Variants in FRYL observed in about 807,000 individuals in gnomAD.
FRYL encodes FRY like transcription coactivator.
A neutral mutation model predicts 351.2 loss-of-function variants in FRYL; 150 were observed. The observed-to-expected ratio is 0.43, with a 90% CI of 0.37 to 0.49. The LOEUF (loss-of-function observed/expected upper bound fraction) is 0.49. Among genes scored for constraint, FRYL ranks in the 20% least tolerant of loss-of-function variants. The pLI is 0.00. For missense variants in FRYL, 3,036 were observed against 3,619.3 expected (o/e 0.84, Z 4.13); for synonymous variants, 1,153 against 1,257.1 (o/e 0.92, Z 1.75).
intron 3 of FRYL, among the ~76,000 whole-genome samples, chr4:48,662,629 T>A (rs1232089541): frequency 2.0e-5 from 3 of 151,496 alleles, no homozygotes; most frequent in African/African-American, 7.3e-5. Flanking sequence ...AGAAAGAATC[T>A]TAAAAGCAAG....
chr4:48,620,537 T>G (rs1160046547), intron 6 of FRYL, 102 bp downstream of exon 6: 1 of 1,190,974 alleles, frequency 8.4e-7, no homozygotes, highest in Non-Finnish European at 1.2e-6. Context: ...ATCAACGCAG[T>G]TTGCTTAGGA....
intron 19 of FRYL, among the ~76,000 whole-genome samples, chr4:48,586,192 C>G (rs566383711): frequency 2.0e-5 from 3 of 152,204 alleles, no homozygotes; most frequent in Non-Finnish European, 4.4e-5. Context: ...TGCCACAGTT[C>G]TGCCATAGGG....
At chr4:48,769,726 C>T (rs1332567917) in intron 1 of FRYL, among the ~76,000 whole-genome samples, 1 of 152,194 alleles carries the variant, frequency 6.6e-6, no homozygotes, top group East Asian at 1.9e-4. Flanking sequence ...TACGTTCATA[C>T]AATAAATACT....
intron 23 of FRYL, among the ~76,000 whole-genome samples, chr4:48,576,824 C>G (rs1163807880): frequency 6.6e-6 from 1 of 152,108 alleles, no homozygotes; most frequent in Non-Finnish European, 1.5e-5. Context: ...TCAAAATCAC[C>G]TTTAATCCCA....
At chr4:48,772,045 A>C (rs1775569086) in intron 1 of FRYL, among the ~76,000 whole-genome samples, 1 of 152,224 alleles carries the variant, frequency 6.6e-6, no homozygotes, top group Non-Finnish European at 1.5e-5. Flanking sequence ...TTCCTTTTGC[A>C]AATAAATTGT....
At chr4:48,669,906 A>AT (rs1324367036) in intron 3 of FRYL, among the ~76,000 whole-genome samples, 1 of 151,622 alleles carries the variant, frequency 6.6e-6, no homozygotes, top group South Asian at 2.1e-4. Flanking sequence ...TTTTAAAATA[A>AT]TTTTTTTACT....
Position 48,535,614 on chromosome 4 carries a change from C to T in FRYL, c.6564+43G>A, listed in dbSNP as rs1451062273. ...ACACACACACACACACACACACACA[C>T]ATATATATATAGTAAATAAGAAAAT... On this transcript the variant is annotated intron_variant, in intron 48 of 63. Coordinates refer to ENST00000358350, the MANE Select transcript of FRYL (RefSeq NM_015030.2). 1.3e-4 allele frequency: 127 copies of T among 980,966 alleles called. No individual in the cohort carries two copies. The highest frequency in any genetic ancestry group is 4.9e-4 in the African/African-American group (30 of 61,734). 60.8% of individuals were successfully genotyped at this position (980,966 alleles called of 1,614,324 possible). A position where few individuals can be genotyped will look rare whatever the true frequency, so the allele number is the denominator to read the frequency against.
intron 59 of FRYL, among the ~76,000 whole-genome samples, chr4:48,509,079 C>G (rs1485969496): frequency 1.3e-5 from 2 of 152,048 alleles, no homozygotes; most frequent in Admixed American, 1.3e-4. Context: ...TCTGAAGATA[C>G]AAAAACCATA....
intron 1 of FRYL, among the ~76,000 whole-genome samples, chr4:48,712,140 A>C (rs1768132773): frequency 6.6e-6 from 1 of 152,216 alleles, no homozygotes; most frequent in Non-Finnish European, 1.5e-5. Context: ...GAAAAACTGG[A>C]AACTCTAAAA....
intron 1 of FRYL, among the ~76,000 whole-genome samples, chr4:48,712,005 G>A (rs1458014322): frequency 6.6e-6 from 1 of 152,174 alleles, no homozygotes; most frequent in East Asian, 1.9e-4. Flanking sequence ...GCAGCTGAGG[G>A]TCCTGTCTGT....
chr4:48,531,208 A>T lies in FRYL; in HGVS notation c.6851T>A (p.Val2284Asp). ...GGTCTTCCCAGGCAACTCCTTAGAA[A>T]CATTATTAAAAATTTTAGTGAAGGA... is the stretch of plus-strand genomic sequence containing the variant. ...EISFTKIFNN[V>D]SKELPGKTLD... The change falls in exon 50 of 64, where the codon GTT (valine) becomes GAT (aspartate). Residue 2284 changes from valine (V) to aspartate (D), a missense_variant. Physicochemically the swap from Val to Asp is radical, Grantham distance 152. Transcript: ENST00000358350. 1 of 1,612,494 alleles carries T rather than the reference A, an allele frequency of 6.2e-7. No homozygotes were observed. Among genetic ancestry groups the T allele is most frequent in the Non-Finnish European group, 8.5e-7 (1 of 1,178,564 alleles).
intron 1 of FRYL, among the ~76,000 whole-genome samples, chr4:48,764,517 C>T (rs944067595): frequency 6.8e-5 from 10 of 146,210 alleles, no homozygotes; most frequent in African/African-American, 2.5e-4. Flanking sequence ...AACAACAAAG[C>T]GAGACTCTGT....
intron 1 of FRYL, among the ~76,000 whole-genome samples, chr4:48,756,038 A>C (rs1437864804): frequency 6.6e-6 from 1 of 152,006 alleles, no homozygotes; most frequent in African/African-American, 2.4e-5. Flanking sequence ...ATTTGAAAAC[A>C]GCCTGGGCAA....
intron 13 of FRYL, among the ~76,000 whole-genome samples, chr4:48,601,524 C>G (rs1413969629): frequency 2.0e-5 from 3 of 152,146 alleles, no homozygotes; most frequent in African/African-American, 7.2e-5. Flanking sequence ...CCCTTTCATT[C>G]AAGTCAGAAT....
Position 48,718,439 on chromosome 4 carries a change from T to C in FRYL, c.-383-7741A>G, listed in dbSNP as rs1410096120. On this transcript the variant is annotated intron_variant, in intron 1 of 63. Transcript: ENST00000358350. ...AAATATTCTATTTAGCCAACCCAAC[T>C]GCAGGTATATTATATAGCCAATATT... Among the ~76,000 whole-genome samples, 3 of 151,602 alleles carry C rather than the reference T, an allele frequency of 2.0e-5. 1 individual carries two copies. The highest frequency in any genetic ancestry group is 4.4e-5 in the Non-Finnish European group (3 of 67,834).
chr4:48,609,621 A>T, intron 8 of FRYL, 123 bp downstream of exon 8: 1 of 345,980 alleles, frequency 2.9e-6, no homozygotes, highest in Non-Finnish European at 4.8e-6. Context: ...CCTTGCCTCA[A>T]GAAAAAAAAA....
At chr4:48,680,965 TGA>T in intron 3 of FRYL, 3 of 1,268,062 alleles carry the variant, frequency 2.4e-6, no homozygotes, top group Non-Finnish European at 3.1e-6. Context: ...ATAATTACTA[TGA>T]CAGAAATTGG....
chr4:48,763,099 A>T (rs1774573381), intron 1 of FRYL, among the ~76,000 whole-genome samples: 2 of 103,668 alleles, frequency 1.9e-5, no homozygotes, highest in African/African-American at 3.7e-5. Context: ...ATATTTGTAC[A>T]GATCTGTAAA....
intron 46 of FRYL, 119 bp downstream of exon 46, chr4:48,540,234 A>AG (rs1368996309): frequency 8.1e-7 from 1 of 1,239,756 alleles, no homozygotes; most frequent in Admixed American, 2.7e-5. Flanking sequence ...TAAGCTACCT[A>AG]GCGTATAAAA....
Sources: allele counts gnomAD v4.1 joint callset (sites outside exome capture counted in the v4.1 genomes callset), GRCh38; gene constraint gnomAD v4.1.1; transcripts MANE v1.5; gene names NCBI Gene and HGNC (gene_info 2026-07-23, HGNC 2026-07-21).